Variants in TENT4B observed in about 807,000 individuals in gnomAD.
The protein encoded by TENT4B is PAP associated domain containing 5.
A neutral mutation model predicts 75.0 loss-of-function variants in TENT4B; 10 were observed. The ratio of observed to expected loss-of-function variants is 0.13; its 90% CI spans 0.08 to 0.23. The LOEUF (loss-of-function observed/expected upper bound fraction) is 0.23, where lower values mean the gene tolerates loss of function less well. Ranked by LOEUF, TENT4B falls within the 10% of genes least tolerant of loss-of-function variation. The probability of loss-of-function intolerance (pLI) is 1.00; values close to 1 mark genes in which losing one functional copy is unlikely to be tolerated. For synonymous variants in TENT4B, 350 were observed against 357.7 expected (o/e 0.98, Z 0.24); for missense variants, 579 against 893.8 (o/e 0.65, Z 4.49).
rs1596768247 is a variant in TENT4B, at chr16:50,232,588, G to A, written c.*3260G>A. The A allele has an allele frequency of 1.0e-6, 1 of 985,314 alleles. No individual in the cohort carries two copies. Among genetic ancestry groups the A allele is most frequent in the African/African-American group, 1.7e-5 (1 of 57,316 alleles). The allele number at this position is 985,314 out of a possible 1,614,324, so 61.0% of individuals were successfully genotyped here. A position where few individuals can be genotyped will look rare whatever the true frequency, so the allele number is the denominator to read the frequency against. On this transcript the variant is annotated 3_prime_UTR_variant, in exon 12 of 12. Transcript: ENST00000561678. The stretch of plus-strand genomic sequence containing the variant: ...TGCCTGAACCTGTGGACTAGTGTTT[G>A]GGGTTTCTGGAAACACTAGAGGGTC...
chr16:50,160,934 C>G (rs1010077387), intron 1 of TENT4B, among the ~76,000 whole-genome samples: 1 of 152,138 alleles, frequency 6.6e-6, no homozygotes, highest in Non-Finnish European at 1.5e-5. Flanking sequence ...ATAGAGTAAT[C>G]TTGAAGGGGC....
chr16:50,215,397 G>T (rs1349965484), intron 3 of TENT4B, among the ~76,000 whole-genome samples: 1 of 152,060 alleles, frequency 6.6e-6, no homozygotes, highest in African/African-American at 2.4e-5. Flanking sequence ...ACTCAACTTC[G>T]AGTTAATATT....
intron 2 of TENT4B, among the ~76,000 whole-genome samples, chr16:50,212,540 T>C (rs1416837639): frequency 1.3e-5 from 2 of 152,168 alleles, no homozygotes; most frequent in Non-Finnish European, 2.9e-5. Context: ...TTTTTCCAAT[T>C]GGCAAAACAA....
intron 1 of TENT4B, among the ~76,000 whole-genome samples, chr16:50,160,517 G>A (rs778960620): frequency 2.6e-5 from 4 of 152,148 alleles, no homozygotes; most frequent in African/African-American, 9.7e-5. Flanking sequence ...ATCCTGGCAT[G>A]CCAGATGGCC....
At chr16:50,159,246 GT>G (rs71138048) in intron 1 of TENT4B, among the ~76,000 whole-genome samples, 80,152 of 136,274 alleles carry the variant, frequency 0.59, 24,517 homozygotes, top group Non-Finnish European at 0.68. Flanking sequence ...CTCTCTTTCT[GT>G]TTTTTTTTTT....
chr16:50,153,543 C>A lies in TENT4B; in HGVS notation c.-79C>A. ...CGGCAGCAGCAGCAGCAGCCGAGGC[C>A]GGGCGTGCGCCTGAGGCGGCGGCGG... On this transcript the variant is annotated 5_prime_UTR_variant, in exon 1 of 12. Coordinates refer to ENST00000561678, the MANE Select transcript of TENT4B (RefSeq NM_001365324.3). 1 of 966,822 alleles carries A rather than the reference C, an allele frequency of 1.0e-6. No individual in the cohort carries two copies. The highest frequency in any genetic ancestry group is 1.2e-6 in the Non-Finnish European group (1 of 824,384). The allele number at this position is 966,822 out of a possible 1,614,324, so 59.9% of individuals were successfully genotyped here.
At position 50,230,278 on chromosome 16, in the gene TENT4B, T is replaced by C. The variant is rs551670673; in HGVS notation, c.*950T>C. ...TGCTTCCTTTGCAGTCTTTTTTTTT[T>C]CCCCCCATTTCTTCCTAATAGGAAA... On this transcript the variant is annotated 3_prime_UTR_variant, in exon 12 of 12. Transcript: ENST00000561678. 107 of 973,916 alleles carry C rather than the reference T, an allele frequency of 1.1e-4. No individual in the cohort carries two copies. The highest frequency in any genetic ancestry group is 7.7e-4 in the African/African-American group (42 of 54,318). 60.3% of individuals were successfully genotyped at this position (973,916 alleles called of 1,614,324 possible).
intron 3 of TENT4B, 30 bp from the exon 4 acceptor site, chr16:50,216,045 G>A (rs372808070): frequency 1.2e-5 from 19 of 1,611,202 alleles, no homozygotes; most frequent in African/African-American, 8.0e-5. Context: ...AACTTCTTCC[G>A]ACCCTCTTGT....
At chr16:50,229,086 G>A (rs1231964820) in intron 11 of TENT4B, 66 bp from the exon 12 acceptor site, 1 of 1,578,092 alleles carries the variant, frequency 6.3e-7, no homozygotes, top group African/African-American at 1.4e-5. Context: ...CCCAAATCCA[G>A]GTGTTTGAGA....
At chr16:50,202,349 C>T (rs1261655181) in intron 1 of TENT4B, among the ~76,000 whole-genome samples, 2 of 152,158 alleles carry the variant, frequency 1.3e-5, no homozygotes, top group South Asian at 2.1e-4. Flanking sequence ...TAAAGGTAAA[C>T]AACAAATGAA....
At position 50,233,251 on chromosome 16, in the gene TENT4B, TAAAA is replaced by T; in HGVS notation, c.*3924_*3927del. ...ACAAAGATTTATATATGAAATTCCT[TAAAA>T]GAGTTCATCTTGCCTTGGTTTCTGA... On this transcript the variant is annotated 3_prime_UTR_variant, in exon 12 of 12. Coordinates refer to ENST00000561678, the MANE Select transcript of TENT4B (RefSeq NM_001365324.3). The T allele has an allele frequency of 1.0e-6, 1 of 985,412 alleles. No homozygotes were observed. The highest frequency in any genetic ancestry group is 1.2e-6 in the Non-Finnish European group (1 of 829,890). 61.0% of individuals were successfully genotyped at this position (985,412 alleles called of 1,614,324 possible). A position where few individuals can be genotyped will look rare whatever the true frequency, so the allele number is the denominator to read the frequency against.
intron 1 of TENT4B, among the ~76,000 whole-genome samples, chr16:50,163,865 A>G (rs2038048390): frequency 6.6e-6 from 1 of 151,834 alleles, no homozygotes; most frequent in Non-Finnish European, 1.5e-5. Context: ...TATTTTATAG[A>G]AATGGGGTCT....
intron 1 of TENT4B, among the ~76,000 whole-genome samples, chr16:50,200,973 G>GT (rs894850568): frequency 2.7e-5 from 4 of 150,438 alleles, no homozygotes; most frequent in East Asian, 2.0e-4. Flanking sequence ...ATTTAAAAGA[G>GT]TTTTTTTTTG....
chr16:50,190,817 C>T (rs557729231), intron 1 of TENT4B, among the ~76,000 whole-genome samples: 43 of 152,106 alleles, frequency 2.8e-4, no homozygotes, highest in African/African-American at 9.9e-4. Context: ...AGAAACTTTT[C>T]ATCTCCTCCA....
chr16:50,206,732 C>T (rs1346993208), intron 1 of TENT4B, among the ~76,000 whole-genome samples: 1 of 152,090 alleles, frequency 6.6e-6, no homozygotes, highest in African/African-American at 2.4e-5. Context: ...AATGCAGAAG[C>T]TACTAAGCAA....
At chr16:50,175,621 G>A (rs2038292596) in intron 1 of TENT4B, among the ~76,000 whole-genome samples, 1 of 151,778 alleles carries the variant, frequency 6.6e-6, no homozygotes, top group Admixed American at 6.6e-5. Flanking sequence ...AGTAGCACAT[G>A]ACACCACGCC....
At chr16:50,221,629 A>G (rs1218880076) in intron 5 of TENT4B, among the ~76,000 whole-genome samples, 2 of 152,168 alleles carry the variant, frequency 1.3e-5, no homozygotes, top group South Asian at 2.1e-4. Context: ...AATCTCACTG[A>G]TTTAGTGCTT....
At chr16:50,171,632 C>T (rs984047778) in intron 1 of TENT4B, among the ~76,000 whole-genome samples, 1 of 152,102 alleles carries the variant, frequency 6.6e-6, no homozygotes, top group Non-Finnish European at 1.5e-5. Flanking sequence ...TATGGGTCCA[C>T]TTATATGTGG....
chr16:50,190,883 C>G (rs972417004), intron 1 of TENT4B, among the ~76,000 whole-genome samples: 1 of 152,020 alleles, frequency 6.6e-6, no homozygotes, highest in Admixed American at 6.6e-5. Context: ...TCCTCCAGCC[C>G]TGGCAGCCAC....
Sources: allele counts gnomAD v4.1 joint callset (sites outside exome capture counted in the v4.1 genomes callset), GRCh38; gene constraint gnomAD v4.1.1; transcripts MANE v1.5; gene names NCBI Gene and HGNC (gene_info 2026-07-23, HGNC 2026-07-21).